PRKAR1B: variants seen among roughly 807,000 people sequenced by gnomAD.
PRKAR1B encodes the protein cAMP-dependent protein kinase type I-beta regulatory subunit.
PRKAR1B carries 22 observed loss-of-function variants against 46.5 expected under a neutral mutation model. The observed-to-expected ratio is 0.47, with a 90% CI of 0.34 to 0.68. The LOEUF is 0.68. PRKAR1B is among the 30% of genes least tolerant of loss of function. The pLI is 0.01. For synonymous variants in PRKAR1B, 259 were observed against 217.7 expected, an observed-to-expected ratio of 1.19 and a Z score of -1.67; for missense variants, 445 against 535.6, an observed-to-expected ratio of 0.83 and a Z score of 1.67.
chr7:576,880 C>T (rs1361003611), intron 9 of PRKAR1B, among the ~76,000 whole-genome samples: 2 of 152,146 alleles, frequency 1.3e-5, no homozygotes, highest in African/African-American at 4.8e-5. Flanking sequence ...TCCAGCGAAA[C>T]ACACACTTCC....
At chr7:649,158 C>T (rs186855475) in intron 4 of PRKAR1B, among the ~76,000 whole-genome samples, 25 of 152,170 alleles carry the variant, frequency 1.6e-4, no homozygotes, top group Non-Finnish European at 3.1e-4. Flanking sequence ...AGTGAGACTC[C>T]GTCTCAAAAT....
rs1784117393 is a variant in PRKAR1B, at chr7:550,564, TG to T, written c.1011del (p.Thr338LeufsTer11). The T allele has an allele frequency of 2.5e-6, 4 of 1,597,766 alleles. No individual in the cohort carries two copies. The East Asian group carries it at 9.0e-5, about 36-fold the overall frequency. On this transcript the variant is annotated frameshift_variant, in exon 11 of 11. Transcript: ENST00000537384. LOFTEE classifies it high-confidence loss of function. ...TTGAGGGGCCCCCGGGCCACGACAG[TG>T]GCCGCCCGGGGCCGGTTCAGCAGCA... ...IALLLNRPRAATVVARGPLKC... is the reference protein window; with the variant it reads ...IALLLNRPRAXTVVARGPLKC...
chr7:584,058 G>A (rs894108653), intron 8 of PRKAR1B, among the ~76,000 whole-genome samples: 7 of 152,244 alleles, frequency 4.6e-5, no homozygotes, highest in Non-Finnish European at 1.0e-4. Context: ...TGGCGGCGTA[G>A]AAAGGGCAGA....
At chr7:568,038 T>C (rs779405377) in intron 9 of PRKAR1B, among the ~76,000 whole-genome samples, 3 of 152,188 alleles carry the variant, frequency 2.0e-5, no homozygotes, top group Non-Finnish European at 4.4e-5. Flanking sequence ...TTTCACGTTA[T>C]CTGTATTTTA....
At chr7:610,102 G>A (rs887537421) in intron 4 of PRKAR1B, among the ~76,000 whole-genome samples, 4 of 152,092 alleles carry the variant, frequency 2.6e-5, no homozygotes, top group East Asian at 1.9e-4. Context: ...CCAGATGGAC[G>A]TTTCCAGTGC....
intron 1 of PRKAR1B, among the ~76,000 whole-genome samples, chr7:725,759 G>C (rs896846944): frequency 1.3e-5 from 2 of 152,162 alleles, no homozygotes; most frequent in African/African-American, 2.4e-5. Flanking sequence ...CTCCCCAGTT[G>C]CTCCTTAGGA....
At chr7:690,191 G>A (rs1779334550) in intron 2 of PRKAR1B, among the ~76,000 whole-genome samples, 1 of 151,908 alleles carries the variant, frequency 6.6e-6, no homozygotes, top group Non-Finnish European at 1.5e-5. Context: ...AGCTACTCTG[G>A]AGGCCGAGGC....
chr7:598,168 G>C (rs1172640311), intron 6 of PRKAR1B, among the ~76,000 whole-genome samples: 42 of 134,372 alleles, frequency 3.1e-4, no homozygotes, highest in Middle Eastern at 8.8e-3. Flanking sequence ...GCACCCTCCA[G>C]ACTAAACACC....
chr7:660,913 C>A (rs1785504108), intron 4 of PRKAR1B, among the ~76,000 whole-genome samples: 1 of 134,030 alleles, frequency 7.5e-6, no homozygotes. Flanking sequence ...CTACTCTCCC[C>A]CCATGGCACA....
At chr7:649,979 ATTTT>A (rs762320346) in intron 4 of PRKAR1B, among the ~76,000 whole-genome samples, 1 of 135,276 alleles carries the variant, frequency 7.4e-6, no homozygotes, top group African/African-American at 2.8e-5. Context: ...GGCCCAGCTA[ATTTT>A]TTTTTTTTTT....
rs533730582 is a variant in PRKAR1B, at chr7:717,909, T to C, written c.-22-6382A>G. ...TGAGGCTCACCCCTGCCCGGTGGGG[T>C]ACAGCAAAGGTGAGGAGTGAGCATC... On this transcript the variant is annotated intron_variant, in intron 1 of 10. Transcript: ENST00000537384. Among the ~76,000 whole-genome samples the C allele has an allele frequency of 3.3e-5, 5 of 151,962 alleles. No individual in the cohort carries two copies. The East Asian group carries it at 7.7e-4, about 24-fold the overall frequency.
rs150738253 is a variant in PRKAR1B at position 579,259 on chromosome 7, C to T, written c.888G>A (p.Thr296=). 20 of 1,614,008 alleles carry T rather than the reference C, an allele frequency of 1.2e-5. No homozygotes were observed. Among genetic ancestry groups the T allele is most frequent in the East Asian group, 2.2e-5 (1 of 44,898 alleles). The change falls in exon 9 of 11, where the codon ACG becomes ACA. Residue 296 remains threonine (T), a synonymous_variant. Coordinates refer to ENST00000537384, the MANE Select transcript of PRKAR1B (RefSeq NM_001164760.2). ...GEPGDDFYII[T]EGTASVLQRR... is the part of the protein sequence containing the mutation. ...CCACGTGGGAAGCACGTCTCACCTC[C>T]GTGATGATGTAAAAGTCGTCCCCAG...
At position 602,991 on chromosome 7, in the gene PRKAR1B, G is replaced by C. The variant is rs1470479496; in HGVS notation, c.549+3202C>G. ...CAAGTTAGGCGGGAACATAACCTGG[G>C]AGCCCCATGTCGGTTTCAGGCTCCA... On this transcript the variant is annotated intron_variant, in intron 6 of 10. Transcript: ENST00000537384. This position sits in a 1 kb window ranked among gnomAD's most constrained non-coding sequence, Gnocchi z 6.4. 6.6e-6 allele frequency among the ~76,000 whole-genome samples: 1 copy of C among 152,130 alleles called. No homozygotes were observed. The highest frequency in any genetic ancestry group is 2.4e-5 in the African/African-American group (1 of 41,418).
chr7:680,119 C>G (rs1366599786), intron 3 of PRKAR1B, among the ~76,000 whole-genome samples: 8 of 148,586 alleles, frequency 5.4e-5, no homozygotes, highest in African/African-American at 1.8e-4. Flanking sequence ...GATCGCACCA[C>G]TGCACTCCAG....
At chr7:647,736 G>A (rs186656698) in intron 4 of PRKAR1B, among the ~76,000 whole-genome samples, 1,820 of 149,972 alleles carry the variant, frequency 0.012, 19 homozygotes, top group South Asian at 0.02. Context: ...AACCTGGGGG[G>A]GCAGAGCCTG....
intron 7 of PRKAR1B, among the ~76,000 whole-genome samples, chr7:586,282 G>A (rs1262445765): frequency 6.6e-6 from 1 of 152,198 alleles, no homozygotes; most frequent in Non-Finnish European, 1.5e-5. Context: ...TCGCCTCCTG[G>A]TGTCCACACC....
chr7:608,300 G>A (rs978958583), intron 4 of PRKAR1B: 9 of 152,138 alleles, frequency 5.9e-5, no homozygotes, highest in Non-Finnish European at 1.2e-4. Flanking sequence ...ACACTCCGAG[G>A]GTGGCCTCCT....
At chr7:569,566 C>T (rs1016411426) in intron 9 of PRKAR1B, among the ~76,000 whole-genome samples, 2 of 152,134 alleles carry the variant, frequency 1.3e-5, no homozygotes, top group Admixed American at 6.5e-5. Context: ...GGCATGCAGC[C>T]CCTCCCCTGC....
At chr7:702,306 G>GAAAAA (rs924928362) in intron 2 of PRKAR1B, among the ~76,000 whole-genome samples, 1 of 149,970 alleles carries the variant, frequency 6.7e-6, no homozygotes, top group African/African-American at 2.5e-5. Flanking sequence ...AGAAACATAG[G>GAAAAA]AAAAAAAACA....
Sources: gnomAD v4.1 joint callset for allele counts (sites outside exome capture counted in the v4.1 genomes callset) on GRCh38, gnomAD v4.1.1 for gene constraint, Gnocchi (gnomAD v3.1) non-coding constraint, MANE v1.5 for transcripts, NCBI Gene and HGNC (gene_info 2026-07-23, HGNC 2026-07-21) for gene names.